The following GALNT1 variants were observed in gnomAD, a reference collection of about 807,000 sequenced individuals.
The protein encoded by GALNT1 is GalNAc transferase 1.
GALNT1 carries 17 observed loss-of-function variants against 65.7 expected under a neutral mutation model. The observed-to-expected ratio is 0.26, with a 90% confidence interval of 0.18 to 0.39. The LOEUF (loss-of-function observed/expected upper bound fraction) is 0.39. Among genes scored for constraint, GALNT1 ranks in the 10% least tolerant of loss-of-function variants. The pLI, the probability that GALNT1 is intolerant of heterozygous loss-of-function variation, is 1.00. For synonymous variants in GALNT1, 210 were observed against 219.7 expected (o/e 0.96, Z 0.39); for missense variants, 460 against 672.8 (o/e 0.68, Z 3.50).
At chr18:35,632,204 A>C (rs544545494) in intron 1 of GALNT1, among the ~76,000 whole-genome samples, 2 of 152,354 alleles carry the variant, frequency 1.3e-5, no homozygotes, top group South Asian at 4.1e-4. Flanking sequence ...AACTACTTTA[A>C]AGTTCATATG....
chr18:35,692,240 C>G lies in GALNT1; in HGVS notation c.1219C>G (p.Gln407Glu). The change falls in exon 9 of 12, where the codon CAA becomes GAA. Residue 407 changes from glutamine (Q) to glutamate (E), a missense_variant. Gln to Glu is a conservative substitution (Grantham distance 29, BLOSUM62 2). Transcript: ENST00000269195. ...SSRVGLRHKL[Q>E]CKPFSWYLEN... Reference sequence around the variant, plus strand: ...AAGAGTTGGTCTAAGACACAAACTACAATGCAAACCTTTTTCCTGGTACCT... The same window carrying G: ...AAGAGTTGGTCTAAGACACAAACTAGAATGCAAACCTTTTTCCTGGTACCT... The G allele has an allele frequency of 6.2e-7, 1 of 1,608,456 alleles. No homozygotes were observed. Among genetic ancestry groups the G allele is most frequent in the African/African-American group, 1.3e-5 (1 of 74,862 alleles).
chr18:35,637,408 A>G (rs1482130574), intron 1 of GALNT1, among the ~76,000 whole-genome samples: 1 of 152,220 alleles, frequency 6.6e-6, no homozygotes, highest in African/African-American at 2.4e-5. Flanking sequence ...AGAAAGCAGA[A>G]CAGCTTTATT....
At chr18:35,586,508 C>CTA (rs1419175616) in intron 1 of GALNT1, among the ~76,000 whole-genome samples, 1 of 151,990 alleles carries the variant, frequency 6.6e-6, no homozygotes, top group Non-Finnish European at 1.5e-5. Flanking sequence ...CTTTGCCTAG[C>CTA]CCTAGATCCT....
chr18:35,633,692 TATA>T (rs1167028204), intron 1 of GALNT1, among the ~76,000 whole-genome samples: 3 of 151,996 alleles, frequency 2.0e-5, no homozygotes, highest in Non-Finnish European at 4.4e-5. Context: ...CTAAAAGTAT[TATA>T]ATAAAAAAAA....
chr18:35,703,967 CTTAA>C (rs1364066594), intron 11 of GALNT1, among the ~76,000 whole-genome samples: 2 of 152,152 alleles, frequency 1.3e-5, no homozygotes, highest in Admixed American at 1.3e-4. Context: ...TTTAAAATTA[CTTAA>C]TTAAACACTT....
chr18:35,707,212 G>C (rs967336367), intron 11 of GALNT1, among the ~76,000 whole-genome samples: 1 of 152,186 alleles, frequency 6.6e-6, no homozygotes, highest in African/African-American at 2.4e-5. Context: ...GCAGATTTTA[G>C]ACCTAGTTAC....
chr18:35,618,818 G>A (rs149456134), intron 1 of GALNT1, among the ~76,000 whole-genome samples: 5 of 152,260 alleles, frequency 3.3e-5, no homozygotes, highest in South Asian at 2.1e-4. Context: ...AAGAAAAGGC[G>A]CTTGAGGTCA....
chr18:35,639,816 G>C (rs1160263164), intron 1 of GALNT1, among the ~76,000 whole-genome samples: 3 of 151,874 alleles, frequency 2.0e-5, no homozygotes, highest in African/African-American at 7.3e-5. Context: ...TCTTTTGTCA[G>C]ACGAAGTCTC....
intron 1 of GALNT1, among the ~76,000 whole-genome samples, chr18:35,618,061 CACTT>C (rs1479506077): frequency 1.3e-5 from 2 of 148,454 alleles, no homozygotes; most frequent in African/African-American, 5.0e-5. Context: ...GATAGCCAAG[CACTT>C]AACATGTATA....
chr18:35,631,822 C>T (rs1391048346), intron 1 of GALNT1, among the ~76,000 whole-genome samples: 2 of 152,166 alleles, frequency 1.3e-5, no homozygotes, highest in Admixed American at 6.5e-5. Context: ...CGTCTCAGCC[C>T]AAAATCTCCT....
At chr18:35,659,374 T>A (rs908685962) in intron 2 of GALNT1, among the ~76,000 whole-genome samples, 4 of 152,234 alleles carry the variant, frequency 2.6e-5, no homozygotes, top group African/African-American at 9.6e-5. Context: ...CTTTGGTGAC[T>A]CCAGAGGGGT....
intron 9 of GALNT1, among the ~76,000 whole-genome samples, chr18:35,700,853 T>A (rs1208649956): frequency 6.6e-6 from 1 of 152,160 alleles, no homozygotes. Flanking sequence ...GGCCATTCCA[T>A]ATGAGAGCGA....
chr18:35,615,312 A>G (rs1393550188), intron 1 of GALNT1, among the ~76,000 whole-genome samples: 2 of 152,216 alleles, frequency 1.3e-5, no homozygotes, highest in African/African-American at 2.4e-5. Flanking sequence ...AAGCTAATAC[A>G]TGACAGAGCT....
chr18:35,600,717 C>A (rs1211208627), intron 1 of GALNT1, among the ~76,000 whole-genome samples: 1 of 151,956 alleles, frequency 6.6e-6, no homozygotes, highest in African/African-American at 2.4e-5. Context: ...CATTAACATT[C>A]TATTAATGTG....
chr18:35,618,833 C>G (rs1440488761), intron 1 of GALNT1, among the ~76,000 whole-genome samples: 1 of 152,100 alleles, frequency 6.6e-6, no homozygotes, highest in Admixed American at 6.6e-5. Context: ...AGGTCATCCC[C>G]TAGAATGGAT....
intron 1 of GALNT1, among the ~76,000 whole-genome samples, chr18:35,584,637 A>G (rs1241076): frequency 0.34 from 51,323 of 152,102 alleles, 9,481 homozygotes; most frequent in Middle Eastern, 0.52. Context: ...TGTGGAAGAC[A>G]GTTTTTCCGT....
rs138798622 is a variant in GALNT1 at position 35,680,905 on chromosome 18, T to A, written c.482-2486T>A. 1.5e-3 allele frequency among the ~76,000 whole-genome samples: 222 copies of A among 152,310 alleles called. 2 individuals carry two copies. Among genetic ancestry groups the A allele is most frequent in the African/African-American group, 4.9e-3 (203 of 41,562 alleles). ...CGAATCCCTAGTTTATGTCAGAAGTTATGTAATTTTCATCTCAGAAAGTTA... is the reference window on the plus strand; with the variant it reads ...CGAATCCCTAGTTTATGTCAGAAGTAATGTAATTTTCATCTCAGAAAGTTA... On this transcript the variant is annotated intron_variant, in intron 4 of 11. Transcript: ENST00000269195.
At chr18:35,651,992 C>T (rs1274290324) in intron 1 of GALNT1, among the ~76,000 whole-genome samples, 3 of 151,168 alleles carry the variant, frequency 2.0e-5, no homozygotes, top group Non-Finnish European at 4.4e-5. Flanking sequence ...ATACTTGGAA[C>T]TTTATCTTCA....
intron 1 of GALNT1, among the ~76,000 whole-genome samples, chr18:35,606,347 C>T (rs1165010544): frequency 1.3e-5 from 2 of 152,178 alleles, no homozygotes; most frequent in East Asian, 1.9e-4. Flanking sequence ...GTTTGGTAGG[C>T]AACACTAATG....
Sources: allele counts gnomAD v4.1 joint callset (sites outside exome capture counted in the v4.1 genomes callset), GRCh38; gene constraint gnomAD v4.1.1; transcripts MANE v1.5; gene names NCBI Gene and HGNC (gene_info 2026-07-23, HGNC 2026-07-21).